TENM4: variants seen among roughly 807,000 people sequenced by gnomAD.
The protein encoded by TENM4 is teneurin transmembrane protein 4.
Under a neutral mutation model 243.3 loss-of-function variants are expected in TENM4, and 82 were observed. That is an observed-to-expected ratio of 0.34 (90% CI 0.28 to 0.40). TENM4 has a LOEUF of 0.40. TENM4 is among the 10% of genes least tolerant of loss of function. The pLI is 1.00. For missense variants in TENM4, 3,138 were observed against 3,673.3 expected (o/e 0.85, Z 3.77); for synonymous variants, 1,412 against 1,456.3 (o/e 0.97, Z 0.69).
intron 4 of TENM4, among the ~76,000 whole-genome samples, chr11:79,106,387 C>G (rs932300281): frequency 1.3e-5 from 2 of 152,224 alleles, no homozygotes; most frequent in Non-Finnish European, 2.9e-5. Context: ...AGGCTGGGGT[C>G]CTTGTGTTCC....
At position 79,245,539 on chromosome 11, in the gene TENM4, G is replaced by A. The variant is rs78515919; in HGVS notation, c.-264-29630C>T. On this transcript the variant is annotated intron_variant, in intron 2 of 33. Transcript: ENST00000278550. ...TTAGTTTCTTCACCTGAAAAGCAGG[G>A]ATAATAATGGAACCAACATTGTGGC... Among the ~76,000 whole-genome samples the A allele has an allele frequency of 7.0e-3, 1,065 of 152,234 alleles. 10 individuals are homozygous for A. The highest frequency in any genetic ancestry group is 0.025 in the African/African-American group (1,020 of 41,524).
intron 3 of TENM4, among the ~76,000 whole-genome samples, chr11:79,204,408 T>C (rs555392594): frequency 1.2e-4 from 18 of 152,330 alleles, no homozygotes; most frequent in South Asian, 2.1e-4. Flanking sequence ...TCAACAAATC[T>C]TGAGCCCCTA....
At chr11:79,385,432 T>C (rs1858091642) in intron 1 of TENM4, among the ~76,000 whole-genome samples, 1 of 152,222 alleles carries the variant, frequency 6.6e-6, no homozygotes, top group Non-Finnish European at 1.5e-5. Context: ...GAAGCTAGGT[T>C]ATTAAACCCT....
At chr11:78,945,473 C>T (rs549796968) in intron 6 of TENM4, among the ~76,000 whole-genome samples, 41 of 152,282 alleles carry the variant, frequency 2.7e-4, no homozygotes, top group African/African-American at 5.5e-4. Context: ...TCCTCTCCTC[C>T]GGCCTTTCTA....
intron 6 of TENM4, among the ~76,000 whole-genome samples, chr11:79,004,599 C>A (rs1858425370): frequency 6.6e-6 from 1 of 152,070 alleles, no homozygotes; most frequent in South Asian, 2.1e-4. Flanking sequence ...ATCTCTAAAG[C>A]ATTGTTAAGA....
rs75922333 is a variant in TENM4, at chr11:78,658,528, C to A, written c.7840G>T (p.Val2614Leu). Residue 2614 changes from valine (V) to leucine (L), a missense_variant, in exon 34 of 34, where the codon GTG becomes TTG. Transcript: ENST00000278550. Reference protein sequence around the residue: ...LENLHFTIDGVDTHYFVKPGP... With the variant: ...LENLHFTIDGLDTHYFVKPGP... ...GGTTTCACAAAGTAATGGGTATCCA[C>A]CCCATCAATGGTGAAGTGCAGGTTC... 4 of 1,613,906 alleles carry A rather than the reference C, an allele frequency of 2.5e-6. No homozygotes were observed. Among genetic ancestry groups the A allele is most frequent in the African/African-American group, 2.7e-5 (2 of 74,950 alleles).
At chr11:78,878,485 G>A (rs938455278) in intron 9 of TENM4, among the ~76,000 whole-genome samples, 2 of 152,162 alleles carry the variant, frequency 1.3e-5, no homozygotes, top group African/African-American at 4.8e-5. Flanking sequence ...CTGAAGTAGC[G>A]ACACTTGAGC....
chr11:79,089,234 G>T (rs1860888524), intron 4 of TENM4, among the ~76,000 whole-genome samples: 1 of 152,194 alleles, frequency 6.6e-6, no homozygotes, highest in Non-Finnish European at 1.5e-5. Flanking sequence ...TCACAAAGGG[G>T]ATTAGCCCCC....
chr11:79,106,163 T>G (rs1861360470), intron 4 of TENM4, among the ~76,000 whole-genome samples: 2 of 152,232 alleles, frequency 1.3e-5, no homozygotes, highest in Non-Finnish European at 2.9e-5. Context: ...TAACATTATT[T>G]GCTCCAAGTC....
chr11:78,658,408 T>C lies in TENM4; in HGVS notation c.7960A>G (p.Thr2654Ala). The change falls in exon 34 of 34, where the codon ACA becomes GCA. Residue 2654 changes from threonine (T) to alanine (A), a missense_variant. Coordinates refer to ENST00000278550, the MANE Select transcript of TENM4 (RefSeq NM_001098816.3). Reference sequence around the variant, plus strand: ...CGTCTAGTCCTGCCATTAAGTACTGTGTTGATCTGGGACACAGTGACGTTG... The same window carrying C: ...CGTCTAGTCCTGCCATTAAGTACTGCGTTGATCTGGGACACAGTGACGTTG... The part of the protein sequence containing the change: ...GVNVTVSQIN[T>A]VLNGRTRRYT... The C allele has an allele frequency of 1.9e-6, 3 of 1,614,038 alleles. No individual in the cohort carries two copies. The East Asian group carries it at 6.7e-5, about 36-fold the overall frequency.
intron 1 of TENM4, among the ~76,000 whole-genome samples, chr11:79,321,640 CAAAAAAA>C (rs60886884): frequency 7.3e-5 from 6 of 82,224 alleles, no homozygotes; most frequent in Admixed American, 1.5e-4. Flanking sequence ...AGGAAATTAC[CAAAAAAA>C]AAAAAAAAAA....
chr11:79,391,967 A>T (rs1858243601), intron 1 of TENM4, among the ~76,000 whole-genome samples: 1 of 152,096 alleles, frequency 6.6e-6, no homozygotes, highest in African/African-American at 2.4e-5. Flanking sequence ...CTTTGAAAAA[A>T]AAATCAATAT....
intron 3 of TENM4, among the ~76,000 whole-genome samples, chr11:79,168,215 C>G (rs1231557484): frequency 6.6e-6 from 1 of 152,154 alleles, no homozygotes; most frequent in East Asian, 1.9e-4. Context: ...ATCTCCTAAG[C>G]ACCTATATGT....
At chr11:79,334,470 G>A (rs2135450144) in intron 1 of TENM4, among the ~76,000 whole-genome samples, 1 of 152,278 alleles carries the variant, frequency 6.6e-6, no homozygotes, top group East Asian at 1.9e-4. Context: ...TATTCCCTGA[G>A]CACTTTCTAA....
chr11:79,056,134 A>T (rs1019368175), intron 6 of TENM4, among the ~76,000 whole-genome samples: 1 of 152,160 alleles, frequency 6.6e-6, no homozygotes. Flanking sequence ...ACAGGGAAAA[A>T]TGCTTCTGAA....
intron 20 of TENM4, among the ~76,000 whole-genome samples, chr11:78,732,790 A>G (rs1855698839): frequency 6.6e-6 from 1 of 152,232 alleles, no homozygotes; most frequent in Admixed American, 6.5e-5. Flanking sequence ...AATGATTCAC[A>G]TAGAGAATTT....
chr11:79,437,813 T>G (rs972209769), intron 1 of TENM4, among the ~76,000 whole-genome samples: 5 of 152,150 alleles, frequency 3.3e-5, no homozygotes, highest in African/African-American at 1.2e-4. Flanking sequence ...CCCAGCCGCC[T>G]CCGGGGCGCC....
chr11:79,253,289 C>G (rs1855643875), intron 2 of TENM4, among the ~76,000 whole-genome samples: 1 of 152,158 alleles, frequency 6.6e-6, no homozygotes, highest in African/African-American at 2.4e-5. Flanking sequence ...AAGGCCTGAG[C>G]AAACTCATCA....
At chr11:78,726,865 T>C (rs1270919395) in intron 22 of TENM4, among the ~76,000 whole-genome samples, 1 of 152,200 alleles carries the variant, frequency 6.6e-6, no homozygotes, top group Non-Finnish European at 1.5e-5. Flanking sequence ...ATTAAACCTC[T>C]TTTCTTATAA....
Sources: allele counts gnomAD v4.1 joint callset (sites outside exome capture counted in the v4.1 genomes callset), GRCh38; gene constraint gnomAD v4.1.1; transcripts MANE v1.5; gene names NCBI Gene and HGNC (gene_info 2026-07-23, HGNC 2026-07-21).